Variants in LRRC4C observed in about 807,000 individuals in gnomAD.
LRRC4C encodes the protein leucine rich repeat containing 4C.
In LRRC4C, 5 loss-of-function variants were observed where a neutral mutation model predicts 33.6. That is an observed-to-expected ratio of 0.15 (90% CI 0.08 to 0.31). The LOEUF (loss-of-function observed/expected upper bound fraction) is 0.31. LRRC4C is among the 10% of genes least tolerant of loss of function. The probability of loss-of-function intolerance (pLI) is 1.00; values close to 1 mark genes in which losing one functional copy is unlikely to be tolerated. For synonymous variants in LRRC4C, 329 were observed against 302.0 expected (o/e 1.09, Z -0.93); for missense variants, 560 against 796.7 (o/e 0.70, Z 3.58).
At chr11:40,895,832 G>T (rs1955914619) in intron 2 of LRRC4C, among the ~76,000 whole-genome samples, 1 of 152,108 alleles carries the variant, frequency 6.6e-6, no homozygotes, top group Non-Finnish European at 1.5e-5. Context: ...TTGAGGCTTT[G>T]AAGTTATCCT....
intron 1 of LRRC4C, among the ~76,000 whole-genome samples, chr11:41,425,703 C>T (rs1260604854): frequency 6.6e-6 from 1 of 152,014 alleles, no homozygotes; most frequent in Non-Finnish European, 1.5e-5. Context: ...TAACAAATTA[C>T]TAATTATTTA....
intron 3 of LRRC4C, among the ~76,000 whole-genome samples, chr11:40,511,864 T>C (rs1203876843): frequency 6.6e-6 from 1 of 152,142 alleles, no homozygotes; most frequent in African/African-American, 2.4e-5. Context: ...ATTAACATAG[T>C]AAAATTTGAT....
At chr11:41,377,022 G>T (rs1363783691) in intron 1 of LRRC4C, among the ~76,000 whole-genome samples, 1 of 152,018 alleles carries the variant, frequency 6.6e-6, no homozygotes, top group African/African-American at 2.4e-5. Flanking sequence ...TCTGAAGTCT[G>T]AACTAAATAT....
rs550095267 is a variant in LRRC4C, at chr11:41,114,036, C to T, written c.-495-180313G>A. 3.6e-3 allele frequency among the ~76,000 whole-genome samples: 545 copies of T among 152,038 alleles called. 4 individuals are homozygous for T. Among genetic ancestry groups the T allele is most frequent in the African/African-American group, 0.012 (512 of 41,512 alleles). ...TTAAAGTTTATCAGTATAAAAATAG[C>T]TTCACAAACTGCTAATGTATATATG... is the stretch of plus-strand genomic sequence containing the variant. On this transcript the variant is annotated intron_variant, in intron 1 of 6. Transcript: ENST00000528697.
intron 3 of LRRC4C, among the ~76,000 whole-genome samples, chr11:40,488,825 C>A (rs1195858396): frequency 6.6e-6 from 1 of 152,124 alleles, no homozygotes; most frequent in African/African-American, 2.4e-5. Context: ...AGCTCATCCT[C>A]ACCTCATGAA....
At chr11:41,184,455 G>A (rs879719557) in intron 1 of LRRC4C, among the ~76,000 whole-genome samples, 23 of 152,032 alleles carry the variant, frequency 1.5e-4, no homozygotes, top group Admixed American at 7.2e-4. Flanking sequence ...CTAGGGCAGG[G>A]GCTAAATGAC....
chr11:40,910,065 A>C (rs1215595903), intron 2 of LRRC4C, among the ~76,000 whole-genome samples: 1 of 152,162 alleles, frequency 6.6e-6, no homozygotes, highest in Non-Finnish European at 1.5e-5. Context: ...TAAGGATCAA[A>C]ATAAGACCTG....
rs565408969 is a variant in LRRC4C, at chr11:41,407,251, G to A, written c.-496+52180C>T. The stretch of plus-strand genomic sequence containing the variant: ...TTAAAGGTCACTCTGCATTTATGTG[G>A]TAGAGTCAGGATTTAAATCCAGGTC... On this transcript the variant is annotated intron_variant, in intron 1 of 6. Transcript: ENST00000528697. Among the ~76,000 whole-genome samples, 14 of 151,560 alleles carry A rather than the reference G, an allele frequency of 9.2e-5. No individual in the cohort carries two copies. In the East Asian group the frequency reaches 1.9e-3, roughly 21 times the overall value.
chr11:40,223,635 T>C (rs1864576371), intron 5 of LRRC4C, among the ~76,000 whole-genome samples: 1 of 152,194 alleles, frequency 6.6e-6, no homozygotes, highest in Non-Finnish European at 1.5e-5. Context: ...CAAAATTGCC[T>C]TTCTCATTTG....
intron 1 of LRRC4C, among the ~76,000 whole-genome samples, chr11:41,244,890 C>T (rs936305715): frequency 6.6e-6 from 1 of 152,130 alleles, no homozygotes; most frequent in Non-Finnish European, 1.5e-5. Context: ...GCTTTCTATC[C>T]ATCAACGATA....
chr11:40,260,889 T>A (rs74342282), intron 4 of LRRC4C, among the ~76,000 whole-genome samples: 2 of 152,214 alleles, frequency 1.3e-5, no homozygotes, highest in African/African-American at 2.4e-5. Context: ...ATTCTTTTTT[T>A]ATTTTTTTAG....
intron 3 of LRRC4C, among the ~76,000 whole-genome samples, chr11:40,366,876 G>C (rs1948230665): frequency 6.6e-6 from 1 of 152,020 alleles, no homozygotes; most frequent in African/African-American, 2.4e-5. Context: ...GAATATGATG[G>C]TGGAAGATAG....
chr11:40,467,498 A>C (rs1952708465), intron 3 of LRRC4C, among the ~76,000 whole-genome samples: 1 of 152,146 alleles, frequency 6.6e-6, no homozygotes, highest in African/African-American at 2.4e-5. Context: ...AAGAAGAGGG[A>C]AGAAAAAATT....
At chr11:41,088,688 G>T (rs1288647668) in intron 1 of LRRC4C, among the ~76,000 whole-genome samples, 1 of 152,048 alleles carries the variant, frequency 6.6e-6, no homozygotes, top group African/African-American at 2.4e-5. Flanking sequence ...TAGGACACTG[G>T]TAATTGATTC....
At chr11:41,214,500 G>A (rs1271874632) in intron 1 of LRRC4C, among the ~76,000 whole-genome samples, 1 of 150,266 alleles carries the variant, frequency 6.7e-6, no homozygotes, top group Non-Finnish European at 1.5e-5. Context: ...GGGAGGCCAA[G>A]GCGGGTGGAT....
chr11:40,968,748 A>G (rs1185895471), intron 1 of LRRC4C, among the ~76,000 whole-genome samples: 1 of 152,078 alleles, frequency 6.6e-6, no homozygotes, highest in Non-Finnish European at 1.5e-5. Flanking sequence ...CACTTTTGAG[A>G]CCTACTGTTT....
intron 2 of LRRC4C, among the ~76,000 whole-genome samples, chr11:40,665,676 T>C (rs77881145): frequency 5.9e-4 from 90 of 151,820 alleles, no homozygotes; most frequent in African/African-American, 2.1e-3. Context: ...TACTCATGAG[T>C]GTGTAAAATT....
At chr11:41,432,716 G>T (rs755645589) in intron 1 of LRRC4C, among the ~76,000 whole-genome samples, 1 of 152,008 alleles carries the variant, frequency 6.6e-6, no homozygotes, top group Non-Finnish European at 1.5e-5. Context: ...ATCATGGCCA[G>T]TGCTCTAGAG....
chr11:40,406,025 G>A (rs908078819), intron 3 of LRRC4C, among the ~76,000 whole-genome samples: 2 of 152,024 alleles, frequency 1.3e-5, no homozygotes, highest in Non-Finnish European at 2.9e-5. Flanking sequence ...CTTTATAAAA[G>A]TATCTTGTCC....
Sources: allele counts gnomAD v4.1 joint callset (sites outside exome capture counted in the v4.1 genomes callset), GRCh38; gene constraint gnomAD v4.1.1; transcripts MANE v1.5; gene names NCBI Gene and HGNC (gene_info 2026-07-23, HGNC 2026-07-21).